Variants in TRMT11 observed in about 807,000 individuals in gnomAD.
TRMT11 encodes the protein tRNA methyltransferase 11, also known as tRNA (guanine(10)-N(2))-methyltransferase TRMT11.
A neutral mutation model predicts 62.8 loss-of-function variants in TRMT11; 53 were observed. That is an observed-to-expected ratio of 0.84 (90% CI 0.68 to 1.06). TRMT11 has a LOEUF of 1.06. TRMT11 is among the 50% of genes least tolerant of loss of function. The pLI is 0.00. For synonymous variants in TRMT11, 188 were observed against 190.3 expected (o/e 0.99, Z 0.10); for missense variants, 556 against 553.4 (o/e 1.00, Z -0.05).
chr6:126,201,306 A>T (rs1183072528), intron 3 of TRMT11, among the ~76,000 whole-genome samples: 1 of 152,248 alleles, frequency 6.6e-6, no homozygotes, highest in East Asian at 1.9e-4. Flanking sequence ...AAAAAAATTG[A>T]CACAGATTTA....
chr6:126,066,957 G>A (rs534074851), intron 17 of TRMT11, among the ~76,000 whole-genome samples: 1 of 152,070 alleles, frequency 6.6e-6, no homozygotes, highest in South Asian at 2.1e-4. Context: ...GGGCACAGTG[G>A]CTCACGCCTG....
the TRMT11 span, among the ~76,000 whole-genome samples, chr6:126,251,265 G>A: frequency 2.6e-5 from 4 of 151,882 alleles, no homozygotes; most frequent in South Asian, 6.3e-4. Context: ...TCCTGACCTC[G>A]TGATCCACCT....
intron 17 of TRMT11, among the ~76,000 whole-genome samples, chr6:126,076,315 C>T (rs112646370): frequency 2.6e-5 from 4 of 152,170 alleles, no homozygotes; most frequent in Non-Finnish European, 4.4e-5. Context: ...GACAGAAGGG[C>T]GGGGCCATAT....
At chr6:126,087,088 T>C (rs551536964) in intron 17 of TRMT11, among the ~76,000 whole-genome samples, 1 of 152,360 alleles carries the variant, frequency 6.6e-6, no homozygotes, top group East Asian at 1.9e-4. Flanking sequence ...AAGAGTTTCC[T>C]ACTCCCTTTA....
In TRMT11 at chr6:126,104,955, T is replaced by C. The variant is rs541062238; in HGVS notation, c.*1438-7911T>C. On this transcript the variant is annotated intron_variant and NMD_transcript_variant, in intron 17 of 22. Transcript: ENST00000648977. ...CACCTTCCTATGCCTTTTTAAATAA[T>C]ACATGTTTTATGGGGCCTTTCTCCT... Among the ~76,000 whole-genome samples, 4 of 152,364 alleles carry C rather than the reference T, an allele frequency of 2.6e-5. No homozygotes were observed. In the East Asian group the frequency reaches 7.7e-4, roughly 29 times the overall value.
intron 12 of TRMT11, among the ~76,000 whole-genome samples, chr6:126,035,229 T>G (rs1309447693): frequency 6.6e-6 from 1 of 152,084 alleles, no homozygotes; most frequent in Non-Finnish European, 1.5e-5. Context: ...ACATACTGAG[T>G]GTTTCGTGAG....
At chr6:126,033,545 T>C (rs1562293104) in intron 12 of TRMT11, among the ~76,000 whole-genome samples, 1 of 152,158 alleles carries the variant, frequency 6.6e-6, no homozygotes, top group Non-Finnish European at 1.5e-5. Context: ...GAGACAGTGT[T>C]ACACGTTAGA....
At chr6:126,224,672 C>T in the TRMT11 span, among the ~76,000 whole-genome samples, 13 of 152,154 alleles carry the variant, frequency 8.5e-5, no homozygotes, top group African/African-American at 2.9e-4. Context: ...CATGTGCGTG[C>T]CCTGGTGGCA....
chr6:126,145,994 T>C (rs1033240568), intron 21 of TRMT11, among the ~76,000 whole-genome samples: 11 of 152,244 alleles, frequency 7.2e-5, no homozygotes, highest in African/African-American at 2.7e-4. Context: ...CACAGGATTA[T>C]TTTATCTCAA....
intron 17 of TRMT11, among the ~76,000 whole-genome samples, chr6:126,055,885 C>T (rs553063696): frequency 1.3e-5 from 2 of 152,144 alleles, no homozygotes; most frequent in African/African-American, 4.8e-5. Context: ...AGTTCAAAAG[C>T]GTATACCCAA....
chr6:126,012,097 G>A (rs1420084726), intron 9 of TRMT11, among the ~76,000 whole-genome samples: 2 of 152,072 alleles, frequency 1.3e-5, no homozygotes, highest in Non-Finnish European at 2.9e-5. Flanking sequence ...GCTCTCTTTA[G>A]TTCTTTACTA....
At chr6:126,117,557 T>A (rs1411656274) in intron 21 of TRMT11, among the ~76,000 whole-genome samples, 1 of 152,130 alleles carries the variant, frequency 6.6e-6, no homozygotes, top group South Asian at 2.1e-4. Flanking sequence ...CCTAGTTTAC[T>A]CTAATGTTGA....
At chr6:126,118,734 CT>C (rs1777616529) in intron 21 of TRMT11, among the ~76,000 whole-genome samples, 1 of 152,006 alleles carries the variant, frequency 6.6e-6, no homozygotes, top group African/African-American at 2.4e-5. Context: ...TAAAAATAAA[CT>C]TTCCTTATCC....
chr6:126,241,680 C>G, the TRMT11 span, among the ~76,000 whole-genome samples: 91 of 152,282 alleles, frequency 6.0e-4, no homozygotes, highest in Non-Finnish European at 9.4e-4. Context: ...ATAAACAGAA[C>G]TAATGACAAA....
At chr6:126,258,839 T>C in the TRMT11 span, among the ~76,000 whole-genome samples, 2 of 152,208 alleles carry the variant, frequency 1.3e-5, no homozygotes, top group African/African-American at 4.8e-5. Flanking sequence ...AAAATTAAAA[T>C]TTTAAGTTCA....
At chr6:126,162,317 G>A (rs1347415161) in intron 21 of TRMT11, among the ~76,000 whole-genome samples, 1 of 152,156 alleles carries the variant, frequency 6.6e-6, no homozygotes, top group Non-Finnish European at 1.5e-5. Context: ...ATTAAACAGG[G>A]AATTCTTTCC....
intron 7 of TRMT11, among the ~76,000 whole-genome samples, chr6:126,001,801 T>G (rs1792538175): frequency 6.6e-6 from 1 of 152,060 alleles, no homozygotes; most frequent in Non-Finnish European, 1.5e-5. Flanking sequence ...CAGTGCTCCC[T>G]CCACAGTTAC....
At chr6:126,173,013 G>T (rs1353132200), upstream of TRMT11, among the ~76,000 whole-genome samples, 1 of 152,132 alleles carries the variant, frequency 6.6e-6, no homozygotes, top group African/African-American at 2.4e-5. Context: ...ATGTCATGAG[G>T]CCTCGCAATG....
At chr6:126,209,399 A>G in the TRMT11 span, among the ~76,000 whole-genome samples, 36 of 152,238 alleles carry the variant, frequency 2.4e-4, no homozygotes, top group East Asian at 5.8e-3. Context: ...TAAGGTTGCA[A>G]AGCCTGAAAT....
Sources: allele counts gnomAD v4.1 joint callset (sites outside exome capture counted in the v4.1 genomes callset), GRCh38; gene constraint gnomAD v4.1.1; transcripts MANE v1.5; gene names NCBI Gene and HGNC (gene_info 2026-07-23, HGNC 2026-07-21).